Variants in LRRC4C observed in about 807,000 individuals in gnomAD.
LRRC4C encodes leucine-rich repeat-containing protein 4C.
A neutral mutation model predicts 33.6 loss-of-function variants in LRRC4C; 5 were observed. That is an observed-to-expected ratio of 0.15 (90% confidence interval 0.08 to 0.31). The LOEUF (loss-of-function observed/expected upper bound fraction) is 0.31, where lower values mean the gene tolerates loss of function less well. Ranked by LOEUF, LRRC4C falls within the 10% of genes least tolerant of loss-of-function variation. LRRC4C has a pLI of 1.00. For missense variants in LRRC4C, 560 were observed against 796.7 expected (o/e 0.70, Z 3.58); for synonymous variants, 329 against 302.0 (o/e 1.09, Z -0.93).
intron 3 of LRRC4C, among the ~76,000 whole-genome samples, chr11:40,591,219 C>T (rs574548022): frequency 2.9e-4 from 44 of 152,228 alleles, no homozygotes; most frequent in South Asian, 1.7e-3. Context: ...GCGCAGTATT[C>T]GGGTGGGAGC....
chr11:40,817,167 G>C (rs1380760968), intron 2 of LRRC4C, among the ~76,000 whole-genome samples: 2 of 152,148 alleles, frequency 1.3e-5, no homozygotes, highest in African/African-American at 4.8e-5. Context: ...TCCTGCCAGT[G>C]TGTCTGAACT....
At position 41,145,714 on chromosome 11, in the gene LRRC4C, G is replaced by A. The variant is rs76112170; in HGVS notation, c.-495-211991C>T. On this transcript the variant is annotated intron_variant, in intron 1 of 6. Coordinates refer to ENST00000528697, the MANE Select transcript of LRRC4C (RefSeq NM_001258419.2). ...AATATAAATACAGTGCCAGTACACTGCATGCCTCTTACCTAGCACAGTCCT... is the reference window on the plus strand; with the variant it reads ...AATATAAATACAGTGCCAGTACACTACATGCCTCTTACCTAGCACAGTCCT... Among the ~76,000 whole-genome samples the A allele has an allele frequency of 7.0e-3, 1,065 of 152,168 alleles. 9 individuals are homozygous for A. Among genetic ancestry groups the A allele is most frequent in the African/African-American group, 0.024 (996 of 41,526 alleles).
intron 3 of LRRC4C, among the ~76,000 whole-genome samples, chr11:40,324,080 T>C (rs1945981977): frequency 6.6e-6 from 1 of 152,214 alleles, no homozygotes; most frequent in Non-Finnish European, 1.5e-5. Context: ...TGAGTTTATG[T>C]GTGTGTGTTT....
intron 1 of LRRC4C, among the ~76,000 whole-genome samples, chr11:41,065,338 G>A (rs1461327147): frequency 1.3e-5 from 2 of 152,162 alleles, no homozygotes; most frequent in Non-Finnish European, 2.9e-5. Flanking sequence ...TGGCCAGACT[G>A]CTTCTCTAGA....
chr11:40,407,264 A>G (rs981974866), intron 3 of LRRC4C, among the ~76,000 whole-genome samples: 2 of 152,132 alleles, frequency 1.3e-5, no homozygotes, highest in African/African-American at 4.8e-5. Flanking sequence ...CAAAGAGTCT[A>G]CTGGAAATAT....
intron 2 of LRRC4C, among the ~76,000 whole-genome samples, chr11:40,675,901 T>C (rs1486500029): frequency 6.6e-6 from 1 of 152,182 alleles, no homozygotes; most frequent in Admixed American, 6.5e-5. Flanking sequence ...CCACTGTTCA[T>C]GTGAACAATT....
intron 1 of LRRC4C, among the ~76,000 whole-genome samples, chr11:41,299,035 T>C (rs947350678): frequency 3.3e-5 from 5 of 152,188 alleles, no homozygotes; most frequent in African/African-American, 1.2e-4. Flanking sequence ...AATCATTATT[T>C]GATGGACAGG....
intron 5 of LRRC4C, among the ~76,000 whole-genome samples, chr11:40,239,776 GC>G (rs1336338406): frequency 6.6e-6 from 1 of 152,186 alleles, no homozygotes; most frequent in Non-Finnish European, 1.5e-5. Flanking sequence ...AGGGTAGAAA[GC>G]TTTTTTATGG....
intron 1 of LRRC4C, among the ~76,000 whole-genome samples, chr11:41,059,877 TAGTC>T (rs1424369251): frequency 6.6e-6 from 1 of 151,842 alleles, no homozygotes; most frequent in East Asian, 1.9e-4. Context: ...ATACAAAAAT[TAGTC>T]AGGCATGGTG....
chr11:40,340,496 G>A (rs976077614), intron 3 of LRRC4C, among the ~76,000 whole-genome samples: 8 of 152,052 alleles, frequency 5.3e-5, no homozygotes, highest in East Asian at 1.9e-4. Context: ...TGAGGCTAAG[G>A]GATACATTTG....
In LRRC4C at chr11:40,268,308, A is replaced by T. The variant is rs547310511; in HGVS notation, c.-175-26710T>A. 3.3e-4 allele frequency among the ~76,000 whole-genome samples: 51 copies of T among 152,294 alleles called. 1 individual carries two copies. In the South Asian group the frequency reaches 0.011, roughly 32 times the overall value. On this transcript the variant is annotated intron_variant, in intron 4 of 6. Transcript: ENST00000528697. ...AAATATTGCAGCTAAAGACACTTCA[A>T]AGTGAGATACAAGAGGGTCCTAAGA...
At chr11:40,937,657 G>C (rs1043204107) in intron 1 of LRRC4C, among the ~76,000 whole-genome samples, 1 of 146,702 alleles carries the variant, frequency 6.8e-6, no homozygotes, top group Non-Finnish European at 1.5e-5. Flanking sequence ...GGTGGTTGTT[G>C]TTGTCTTTTT....
intron 2 of LRRC4C, among the ~76,000 whole-genome samples, chr11:40,708,860 T>C (rs1010726297): frequency 1.3e-5 from 2 of 152,186 alleles, no homozygotes; most frequent in African/African-American, 4.8e-5. Context: ...CTTGTAGCTC[T>C]CTCAGGACTT....
intron 1 of LRRC4C, among the ~76,000 whole-genome samples, chr11:40,950,714 G>T (rs796069428): frequency 6.6e-6 from 1 of 151,858 alleles, no homozygotes; most frequent in Non-Finnish European, 1.5e-5. Context: ...TGTCTTAATT[G>T]TTCCCCATAC....
At chr11:40,496,566 C>G (rs1191733917) in intron 3 of LRRC4C, among the ~76,000 whole-genome samples, 1 of 152,006 alleles carries the variant, frequency 6.6e-6, no homozygotes, top group Non-Finnish European at 1.5e-5. Context: ...GACCATCCTA[C>G]TTAAGACTCA....
rs560245848 is a variant in LRRC4C, at chr11:41,227,558, G to A, written c.-496+231873C>T. The stretch of plus-strand genomic sequence containing the variant: ...CTTGCTCTGTGACCCAGGATGCAGT[G>A]GCACAATCATGGCTCACTGCAGCCT... On this transcript the variant is annotated intron_variant, in intron 1 of 6. Transcript: ENST00000528697. Among the ~76,000 whole-genome samples, 18 of 152,092 alleles carry A rather than the reference G, an allele frequency of 1.2e-4. No homozygotes were observed. In the East Asian group the frequency reaches 3.3e-3, roughly 28 times the overall value.
At chr11:41,430,300 T>A (rs1955188115) in intron 1 of LRRC4C, among the ~76,000 whole-genome samples, 1 of 152,182 alleles carries the variant, frequency 6.6e-6, no homozygotes, top group Non-Finnish European at 1.5e-5. Context: ...AATTGTCAGC[T>A]ATTATAGCCA....
chr11:41,007,265 T>C (rs560172710), intron 1 of LRRC4C, among the ~76,000 whole-genome samples: 1 of 151,668 alleles, frequency 6.6e-6, no homozygotes, highest in East Asian at 1.9e-4. Flanking sequence ...AAACAGGCAG[T>C]TTAATTTACA....
intron 1 of LRRC4C, among the ~76,000 whole-genome samples, chr11:41,146,939 A>T (rs896161269): frequency 2.3e-4 from 35 of 152,244 alleles, no homozygotes; most frequent in African/African-American, 8.4e-4. Flanking sequence ...GGGTTGAAAC[A>T]GATTAGTCAT....
Sources: allele counts gnomAD v4.1 joint callset (sites outside exome capture counted in the v4.1 genomes callset), GRCh38; gene constraint gnomAD v4.1.1; transcripts MANE v1.5; gene names NCBI Gene and HGNC (gene_info 2026-07-23, HGNC 2026-07-21).